The following UNC79 variants were observed in gnomAD, a reference collection of about 807,000 sequenced individuals.
UNC79 encodes the protein unc-79 subunit of NALCN channel complex, also known as protein unc-79 homolog.
A neutral mutation model predicts 283.1 loss-of-function variants in UNC79; 37 were observed. The ratio of observed to expected loss-of-function variants is 0.13; its 90% CI spans 0.10 to 0.17. The LOEUF (loss-of-function observed/expected upper bound fraction) is 0.17, where lower values mean the gene tolerates loss of function less well. Ranked by LOEUF, UNC79 falls within the 10% of genes least tolerant of loss-of-function variation. The pLI is 1.00. For missense variants in UNC79, 2,272 were observed against 3,211.1 expected, an observed-to-expected ratio of 0.71 and a Z score of 7.07; for synonymous variants, 1,107 against 1,200.2, an observed-to-expected ratio of 0.92 and a Z score of 1.61.
At chr14:93,629,103 G>T (rs56710136) in intron 30 of UNC79, among the ~76,000 whole-genome samples, 2,878 of 152,216 alleles carry the variant, frequency 0.019, 110 homozygotes, top group African/African-American at 0.066. Flanking sequence ...GAAGACTGAG[G>T]CAGGAGAATC....
chr14:93,609,730 A>G lies in UNC79; in HGVS notation c.3755-3067A>G, dbSNP rs76279548. 3.6e-3 allele frequency among the ~76,000 whole-genome samples: 542 copies of G among 152,280 alleles called. 5 individuals carry two copies. The highest frequency in any genetic ancestry group is 0.013 in the African/African-American group (521 of 41,556). ...AGGTTAAAACATTAATATTGTCTTT[A>G]TCGATGGAGAACATTTCAGCTTATC... On this transcript the variant is annotated intron_variant, in intron 26 of 48. Transcript: ENST00000555664.
intron 40 of UNC79, 104 bp downstream of exon 43, chr14:93,662,818 A>C (rs539096862): frequency 1.3e-6 from 1 of 779,266 alleles, no homozygotes; most frequent in South Asian, 2.3e-5. Flanking sequence ...GCTTCCATAT[A>C]GTTAAAAATG....
intron 3 of UNC79, among the ~76,000 whole-genome samples, chr14:93,476,304 T>C (rs2057796790): frequency 6.6e-6 from 1 of 152,184 alleles, no homozygotes. Context: ...CAATCACCTC[T>C]CTCCGGACCT....
At position 93,374,091 on chromosome 14, in the gene UNC79, G is replaced by A. The variant is rs894713099; in HGVS notation, c.-351+40568G>A. Among the ~76,000 whole-genome samples the A allele has an allele frequency of 3.9e-5, 6 of 152,128 alleles. No individual in the cohort carries two copies. In the East Asian group the frequency reaches 1.2e-3, roughly 29 times the overall value. ...CACAGGTATGGTGCTACCACAGAGA[G>A]CCCCACTAGAGCAATGCTGAGCAGA... On this transcript the variant is annotated intron_variant, in intron 1 of 49. Transcript: ENST00000256339.
At chr14:93,380,100 GA>G (rs965291243) in intron 1 of UNC79, among the ~76,000 whole-genome samples, 11 of 152,240 alleles carry the variant, frequency 7.2e-5, no homozygotes, top group African/African-American at 2.6e-4. Flanking sequence ...CATAAGTAAG[GA>G]AGCTGGCACG....
chr14:93,696,654 T>C (rs1047442546), intron 47 of UNC79, among the ~76,000 whole-genome samples: 5 of 152,202 alleles, frequency 3.3e-5, no homozygotes, highest in African/African-American at 9.7e-5. Flanking sequence ...GCCCATTTTT[T>C]ATTGGGTTGG....
intron 40 of UNC79, among the ~76,000 whole-genome samples, chr14:93,670,452 A>G (rs936123756): frequency 2.3e-4 from 35 of 152,192 alleles, no homozygotes; most frequent in South Asian, 1.0e-3. Flanking sequence ...GAACTCAGGA[A>G]AGCACTTGCT....
At chr14:93,518,846 T>C (rs2060192864) in intron 7 of UNC79, among the ~76,000 whole-genome samples, 1 of 151,962 alleles carries the variant, frequency 6.6e-6, no homozygotes, top group Non-Finnish European at 1.5e-5. Flanking sequence ...ATTTTTCAGA[T>C]ACTTTTGTGT....
intron 22 of UNC79, among the ~76,000 whole-genome samples, chr14:93,590,624 A>G (rs1009029146): frequency 6.6e-6 from 1 of 152,152 alleles, no homozygotes; most frequent in Non-Finnish European, 1.5e-5. Context: ...TCCATAGCCC[A>G]GGCTTTCTCC....
chr14:93,550,726 A>G (rs1344015417), intron 14 of UNC79, among the ~76,000 whole-genome samples: 3 of 152,110 alleles, frequency 2.0e-5, no homozygotes, highest in African/African-American at 7.2e-5. Context: ...CAACAGCTTC[A>G]ATTTTGAGTT....
intron 20 of UNC79, among the ~76,000 whole-genome samples, chr14:93,583,236 G>A (rs1053410970): frequency 2.0e-5 from 3 of 151,624 alleles, no homozygotes; most frequent in South Asian, 2.1e-4. Flanking sequence ...CAGGAGAATC[G>A]CTTGAACTGG....
intron 7 of UNC79, among the ~76,000 whole-genome samples, chr14:93,507,234 C>T (rs1957673): frequency 0.86 from 130,378 of 152,152 alleles, 56,005 homozygotes; most frequent in East Asian, 0.93. Flanking sequence ...TGTGGACTTA[C>T]GCATTTATTT....
At chr14:93,577,711 C>A in intron 17 of UNC79, 131 bp from the exon 18 acceptor site, 2 of 830,544 alleles carry the variant, frequency 2.4e-6, no homozygotes, top group Admixed American at 2.4e-5. Context: ...TTTGGAGGTA[C>A]TAATGCCATT....
At chr14:93,373,338 CA>C (rs1308468987) in intron 1 of UNC79, among the ~76,000 whole-genome samples, 3 of 151,380 alleles carry the variant, frequency 2.0e-5, no homozygotes, top group Non-Finnish European at 4.4e-5. Flanking sequence ...TTAATAAAGT[CA>C]ACAAAACCAA....
chr14:93,645,088 T>A (rs750389467), intron 34 of UNC79, among the ~76,000 whole-genome samples: 1 of 152,198 alleles, frequency 6.6e-6, no homozygotes, highest in Admixed American at 6.5e-5. Context: ...CAGGTCACAA[T>A]TTCTACTATC....
At chr14:93,412,751 T>C (rs1228063721) in intron 1 of UNC79, among the ~76,000 whole-genome samples, 3 of 152,028 alleles carry the variant, frequency 2.0e-5, no homozygotes, top group Admixed American at 1.3e-4. Context: ...TTTAAAGGGC[T>C]GAAGGAAAAA....
chr14:93,420,838 A>G (rs577535059), intron 1 of UNC79, among the ~76,000 whole-genome samples: 1 of 151,902 alleles, frequency 6.6e-6, no homozygotes, highest in African/African-American at 2.4e-5. Context: ...AAATTAAGCA[A>G]TATACTTCTA....
chr14:93,354,080 G>GA (rs1401050472), intron 1 of UNC79, among the ~76,000 whole-genome samples: 4 of 152,028 alleles, frequency 2.6e-5, no homozygotes, highest in East Asian at 1.9e-4. Context: ...AAGAATGGGG[G>GA]AAAAAAACTA....
intron 1 of UNC79, among the ~76,000 whole-genome samples, chr14:93,366,524 T>G (rs2054337260): frequency 6.6e-6 from 1 of 152,062 alleles, no homozygotes; most frequent in South Asian, 2.1e-4. Flanking sequence ...TCCATGTGTT[T>G]CCATTAGTGT....
Sources: gnomAD v4.1 joint callset for allele counts (sites outside exome capture counted in the v4.1 genomes callset) on GRCh38, gnomAD v4.1.1 for gene constraint, MANE v1.5 for transcripts, NCBI Gene and HGNC (gene_info 2026-07-23, HGNC 2026-07-21) for gene names.